MOB3B: variants seen among roughly 807,000 people sequenced by gnomAD.
MOB3B encodes MOB kinase activator-like 2B.
MOB3B carries 7 observed loss-of-function variants against 18.7 expected under a neutral mutation model. That is an observed-to-expected ratio of 0.37 (90% confidence interval 0.21 to 0.70). The LOEUF (loss-of-function observed/expected upper bound fraction) is 0.70. Ranked by LOEUF, MOB3B falls within the 30% of genes least tolerant of loss-of-function variation. MOB3B has a pLI of 0.52. For missense variants in MOB3B, 253 were observed against 281.3 expected (o/e 0.90, Z 0.72); for synonymous variants, 111 against 99.9 (o/e 1.11, Z -0.66).
chr9:27,370,937 T>G (rs1274542463), intron 2 of MOB3B, among the ~76,000 whole-genome samples: 1 of 152,184 alleles, frequency 6.6e-6, no homozygotes, highest in East Asian at 1.9e-4. Context: ...AAGTCACGTC[T>G]AAGGAGTAAC....
intron 2 of MOB3B, among the ~76,000 whole-genome samples, chr9:27,361,544 C>T (rs915514744): frequency 6.6e-6 from 1 of 152,308 alleles, no homozygotes; most frequent in Admixed American, 6.5e-5. Flanking sequence ...TCTGCCCAGG[C>T]CTTAAGACCA....
intron 2 of MOB3B, among the ~76,000 whole-genome samples, chr9:27,374,899 C>T (rs1002405702): frequency 6.6e-6 from 1 of 152,184 alleles, no homozygotes; most frequent in Admixed American, 6.5e-5. Flanking sequence ...CAGCTGGACC[C>T]TTGAGAGGAA....
At chr9:27,343,105 G>C (rs1378074441) in intron 3 of MOB3B, among the ~76,000 whole-genome samples, 1 of 151,894 alleles carries the variant, frequency 6.6e-6, no homozygotes, top group Admixed American at 6.6e-5. Flanking sequence ...AGTAGACATG[G>C]GAGACTCCAT....
chr9:27,424,357 C>T (rs776119778), intron 2 of MOB3B, among the ~76,000 whole-genome samples: 5 of 152,282 alleles, frequency 3.3e-5, no homozygotes, highest in South Asian at 2.1e-4. Context: ...GTGCTAGCCA[C>T]GGACACAGAA....
chr9:27,403,925 G>A (rs7020361), intron 2 of MOB3B, among the ~76,000 whole-genome samples: 1 of 151,932 alleles, frequency 6.6e-6, no homozygotes, highest in Non-Finnish European at 1.5e-5. Flanking sequence ...TATCATTTCT[G>A]TTGTGTTAAG....
intron 1 of MOB3B, among the ~76,000 whole-genome samples, chr9:27,503,992 C>T (rs1484125545): frequency 2.0e-5 from 3 of 152,240 alleles, no homozygotes; most frequent in Non-Finnish European, 4.4e-5. Context: ...CATTCCCCTG[C>T]CAGTCCTTGT....
At chr9:27,455,794 T>A in intron 1 of MOB3B, 46 bp from the exon 2 acceptor site, 2 of 1,381,882 alleles carry the variant, frequency 1.4e-6, no homozygotes. Context: ...CCAGTTCGCC[T>A]TTAAAAAATG....
intron 3 of MOB3B, among the ~76,000 whole-genome samples, chr9:27,343,005 G>C (rs1820974995): frequency 6.6e-6 from 1 of 151,612 alleles, no homozygotes; most frequent in Non-Finnish European, 1.5e-5. Flanking sequence ...ATTGAGAACG[G>C]GCCATGATGA....
chr9:27,483,125 CTTTTTTTT>C (rs71492747), intron 1 of MOB3B, among the ~76,000 whole-genome samples: 2 of 68,544 alleles, frequency 2.9e-5, no homozygotes, highest in Admixed American at 5.0e-4. Flanking sequence ...ATATACGGTA[CTTTTTTTT>C]TTTTTTTTTT....
chr9:27,476,462 C>T (rs1034622026), intron 1 of MOB3B, among the ~76,000 whole-genome samples: 1 of 152,164 alleles, frequency 6.6e-6, no homozygotes, highest in South Asian at 2.1e-4. Flanking sequence ...ATGTCTATCT[C>T]CAAATTTTCC....
chr9:27,403,040 G>A (rs1461212555), intron 2 of MOB3B, among the ~76,000 whole-genome samples: 1 of 152,142 alleles, frequency 6.6e-6, no homozygotes, highest in African/African-American at 2.4e-5. Context: ...AGGGAAGCAG[G>A]TTAAAAGGGA....
At chr9:27,390,531 A>T (rs1043391839) in intron 2 of MOB3B, among the ~76,000 whole-genome samples, 3 of 152,208 alleles carry the variant, frequency 2.0e-5, no homozygotes, top group Admixed American at 6.5e-5. Flanking sequence ...TGTACCAGAC[A>T]CTGCTAACAT....
At chr9:27,426,223 C>T (rs2131417565) in intron 2 of MOB3B, among the ~76,000 whole-genome samples, 1 of 152,186 alleles carries the variant, frequency 6.6e-6, no homozygotes, top group East Asian at 1.9e-4. Context: ...AGCCCACACT[C>T]TTAATTTGTT....
At chr9:27,378,223 G>A (rs1821519764) in intron 2 of MOB3B, 1 of 384,494 alleles carries the variant, frequency 2.6e-6, no homozygotes, top group Non-Finnish European at 5.3e-6. Flanking sequence ...CCTACACAAT[G>A]AGTAGAAGAG....
intron 2 of MOB3B, among the ~76,000 whole-genome samples, chr9:27,384,216 C>A (rs917386408): frequency 6.6e-5 from 10 of 152,090 alleles, no homozygotes; most frequent in African/African-American, 1.9e-4. Flanking sequence ...CGGTTAGACA[C>A]CCACATCTCT....
chr9:27,378,640 GC>G (rs1315494050), intron 2 of MOB3B: 3 of 471,090 alleles, frequency 6.4e-6, no homozygotes, highest in Admixed American at 4.7e-5. Context: ...CATTCTCCCA[GC>G]CCTTGCCAGC....
intron 2 of MOB3B, among the ~76,000 whole-genome samples, chr9:27,434,993 G>T (rs541713598): frequency 5.8e-4 from 88 of 152,080 alleles, no homozygotes; most frequent in African/African-American, 2.1e-3. Flanking sequence ...GCTCTGAAAA[G>T]TCACTCTTGT....
chr9:27,394,390 T>G (rs1821771473), intron 2 of MOB3B: 1 of 151,948 alleles, frequency 6.6e-6, no homozygotes, highest in African/African-American at 2.4e-5. Context: ...AAAAACATTT[T>G]CAAAGGTCAC....
At chr9:27,374,203 A>C (rs1821460357) in intron 2 of MOB3B, among the ~76,000 whole-genome samples, 1 of 138,660 alleles carries the variant, frequency 7.2e-6, no homozygotes, top group African/African-American at 2.8e-5. Context: ...AACTCCATTA[A>C]TCTGTCTGAA....
Sources: gnomAD v4.1 joint callset for allele counts (sites outside exome capture counted in the v4.1 genomes callset) on GRCh38, gnomAD v4.1.1 for gene constraint, MANE v1.5 for transcripts, NCBI Gene and HGNC (gene_info 2026-07-23, HGNC 2026-07-21) for gene names.